PTGER3: variants seen among roughly 807,000 people sequenced by gnomAD.
The protein encoded by PTGER3 is prostaglandin E receptor 3.
PTGER3 carries 22 observed loss-of-function variants against 34.7 expected under a neutral mutation model. The observed-to-expected ratio is 0.63, with a 90% CI of 0.45 to 0.91. The LOEUF (loss-of-function observed/expected upper bound fraction) is 0.91, where lower values mean the gene tolerates loss of function less well. Among genes scored for constraint, PTGER3 ranks in the 40% least tolerant of loss-of-function variants. The pLI is 0.00. For synonymous variants in PTGER3, 241 were observed against 230.1 expected (o/e 1.05, Z -0.43); for missense variants, 468 against 519.4 (o/e 0.90, Z 0.96).
At chr1:70,920,098 G>A (rs1647383930) in intron 4 of PTGER3, among the ~76,000 whole-genome samples, 1 of 152,150 alleles carries the variant, frequency 6.6e-6, no homozygotes, top group Admixed American at 6.6e-5. Flanking sequence ...AATGCTGACA[G>A]TTGTCTCAAT....
exon 3 of PTGER3, chr1:70,953,774 G>A: frequency 2.0e-6 from 3 of 1,464,390 alleles, no homozygotes; most frequent in Non-Finnish European, 2.7e-6. Flanking sequence ...TGCTCTCTGA[G>A]TCTTCTTTTT....
intron 2 of PTGER3, chr1:71,007,298 T>G: frequency 2.0e-6 from 2 of 985,728 alleles, no homozygotes; most frequent in Non-Finnish European, 2.4e-6. Context: ...TTGGTTTGCT[T>G]AAACAGGCTT....
chr1:70,921,539 T>A (rs911976412), intron 4 of PTGER3, among the ~76,000 whole-genome samples: 1 of 152,080 alleles, frequency 6.6e-6, no homozygotes, highest in Non-Finnish European at 1.5e-5. Flanking sequence ...TGTTCTGTCA[T>A]AATAAGGCAT....
chr1:70,976,362 T>C (rs1361720712), intron 2 of PTGER3, among the ~76,000 whole-genome samples: 1 of 152,116 alleles, frequency 6.6e-6, no homozygotes, highest in African/African-American at 2.4e-5. Flanking sequence ...GCGGTGTCCT[T>C]GTAGATTCAT....
chr1:71,005,941 C>T (rs1005553473), intron 2 of PTGER3: 2 of 637,086 alleles, frequency 3.1e-6, no homozygotes, highest in African/African-American at 4.0e-5. Context: ...TGTTTCGATA[C>T]ATATAATGTA....
At chr1:70,984,273 G>A (rs1654687789) in intron 2 of PTGER3, among the ~76,000 whole-genome samples, 1 of 151,668 alleles carries the variant, frequency 6.6e-6, no homozygotes. Flanking sequence ...TGTAATCCCA[G>A]CTACTTGGAA....
chr1:70,862,378 C>G (rs762102770), intron 4 of PTGER3: 1 of 1,366,756 alleles, frequency 7.3e-7, no homozygotes, highest in South Asian at 1.1e-5. Flanking sequence ...ATCAGCTTAG[C>G]TGGACACTGC....
At chr1:70,974,645 A>G (rs570387312) in intron 2 of PTGER3, among the ~76,000 whole-genome samples, 135 of 152,248 alleles carry the variant, frequency 8.9e-4, no homozygotes, top group Non-Finnish European at 1.6e-3. Flanking sequence ...CACTTGTTAA[A>G]GGCTGAATAA....
At chr1:70,939,210 T>C (rs1438331666) in intron 4 of PTGER3, among the ~76,000 whole-genome samples, 1 of 152,158 alleles carries the variant, frequency 6.6e-6, no homozygotes, top group African/African-American at 2.4e-5. Flanking sequence ...ATGATCTCCT[T>C]TGTCTCCATG....
intron 4 of PTGER3, among the ~76,000 whole-genome samples, chr1:70,861,488 T>A (rs910272440): frequency 6.6e-6 from 1 of 152,216 alleles, no homozygotes; most frequent in Non-Finnish European, 1.5e-5. Flanking sequence ...TATTTTGCTT[T>A]TATGCCTTTG....
intron 1 of PTGER3, 49 bp downstream of exon 1, chr1:71,046,632 G>A: frequency 6.7e-7 from 1 of 1,501,872 alleles, no homozygotes; most frequent in Non-Finnish European, 8.8e-7. Flanking sequence ...TTAGGTTCCC[G>A]CTTACTCGCA....
chr1:70,893,036 AC>A (rs768926247), intron 4 of PTGER3, among the ~76,000 whole-genome samples: 16 of 150,862 alleles, frequency 1.1e-4, no homozygotes, highest in Non-Finnish European at 1.9e-4. Context: ...TAAAAAAAAA[AC>A]GTTTCCTTAC....
intron 1 of PTGER3, among the ~76,000 whole-genome samples, chr1:71,018,012 G>A (rs756743458): frequency 6.6e-5 from 10 of 152,048 alleles, no homozygotes; most frequent in Non-Finnish European, 1.2e-4. Flanking sequence ...GAATCCACCC[G>A]TCTCGACCTT....
chr1:70,966,447 T>G (rs1301971111), downstream of PTGER3, among the ~76,000 whole-genome samples: 1 of 152,136 alleles, frequency 6.6e-6, no homozygotes, highest in Non-Finnish European at 1.5e-5. Context: ...ATATGCAGGC[T>G]TATATTTATC....
downstream of PTGER3, among the ~76,000 whole-genome samples, chr1:70,968,369 A>C (rs936159177): frequency 6.6e-6 from 1 of 152,214 alleles, no homozygotes; most frequent in Non-Finnish European, 1.5e-5. Context: ...AAAACTGTAG[A>C]TCAAACATCA....
At chr1:70,904,543 T>TC (rs1646906084) in intron 4 of PTGER3, among the ~76,000 whole-genome samples, 1 of 152,160 alleles carries the variant, frequency 6.6e-6, no homozygotes, top group Non-Finnish European at 1.5e-5. Context: ...ATGAGGAACT[T>TC]TTTGGGAACT....
In PTGER3 at chr1:71,047,746, G is replaced by C. The variant is rs545493518; in HGVS notation, c.-169C>G. The C allele has an allele frequency of 1.6e-6, 1 of 622,398 alleles. No individual in the cohort carries two copies. Among genetic ancestry groups the C allele is most frequent in the Non-Finnish European group, 2.3e-6 (1 of 435,316 alleles). 38.6% of individuals were successfully genotyped at this position (622,398 alleles called of 1,614,324 possible). Reference sequence around the variant, plus strand: ...ACTCCGCTGCTGGGACCGCGGCCGCGGCGGCGCCAGGGCTCACTGGCCCGG... The same window carrying C: ...ACTCCGCTGCTGGGACCGCGGCCGCCGCGGCGCCAGGGCTCACTGGCCCGG... On this transcript the variant is annotated 5_prime_UTR_variant, in exon 1 of 4. Transcript: ENST00000306666.
At chr1:70,862,294 T>G (rs931584128) in intron 4 of PTGER3, 7 of 1,324,420 alleles carry the variant, frequency 5.3e-6, no homozygotes, top group African/African-American at 1.5e-5. Flanking sequence ...TCTTTGGAGA[T>G]CATGACTTAC....
chr1:70,905,592 G>A (rs113237512), intron 4 of PTGER3, among the ~76,000 whole-genome samples: 10 of 152,068 alleles, frequency 6.6e-5, no homozygotes, highest in African/African-American at 1.9e-4. Flanking sequence ...GCTGGATTTC[G>A]GACTTGTATG....
Sources: allele counts gnomAD v4.1 joint callset (sites outside exome capture counted in the v4.1 genomes callset), GRCh38; gene constraint gnomAD v4.1.1; transcripts MANE v1.5; gene names NCBI Gene and HGNC (gene_info 2026-07-23, HGNC 2026-07-21).